Variants in CBY1 observed in about 807,000 individuals in gnomAD.
CBY1 encodes protein chibby homolog 1.
CBY1 carries 10 observed loss-of-function variants against 15.6 expected under a neutral mutation model. The observed-to-expected ratio is 0.64, with a 90% confidence interval of 0.40 to 1.09. The LOEUF is 1.09. Among genes scored for constraint, CBY1 ranks in the 50% least tolerant of loss-of-function variants. CBY1 has a pLI of 0.01. For missense variants in CBY1, 150 were observed against 160.5 expected (o/e 0.93, Z 0.35); for synonymous variants, 61 against 63.5 (o/e 0.96, Z 0.19).
rs146434433 is a variant in CBY1, at chr22:38,673,218, C to T, written c.363C>T (p.Ile121=). 1.9e-6 allele frequency: 3 copies of T among 1,611,536 alleles called. No homozygotes were observed. The African/African-American group carries it at 4.0e-5, about 22-fold the overall frequency. ...AGAAGGAACTGGATGAACTGAGGAT[C>T]AGCCGGAAGAGAAAATGAAGACCCC... The part of the protein sequence containing the change: ...LMEKELDELR[I]SRKRK Residue 121 remains isoleucine, a synonymous_variant, in exon 5 of 5, where the codon ATC becomes ATT. Coordinates refer to ENST00000216029, the MANE Select transcript of CBY1 (RefSeq NM_015373.4).
chr22:38,663,504 T>C (rs2092427443), intron 1 of CBY1, among the ~76,000 whole-genome samples: 1 of 151,628 alleles, frequency 6.6e-6, no homozygotes, highest in Non-Finnish European at 1.5e-5. Flanking sequence ...GAGACCAGCC[T>C]GACCAACATA....
chr22:38,659,695 T>C (rs1267141151), intron 1 of CBY1, among the ~76,000 whole-genome samples: 1 of 151,818 alleles, frequency 6.6e-6, no homozygotes, highest in African/African-American at 2.4e-5. Context: ...ACCCCATCTC[T>C]ACTAAAAATA....
intron 1 of CBY1, among the ~76,000 whole-genome samples, chr22:38,659,512 A>C (rs948507804): frequency 6.6e-6 from 1 of 152,126 alleles, no homozygotes; most frequent in Non-Finnish European, 1.5e-5. Flanking sequence ...AGCCTCCGAA[A>C]GTGCTGAGAT....
intron 4 of CBY1, 150 bp downstream of exon 4, chr22:38,671,338 G>T: frequency 1.5e-6 from 1 of 680,028 alleles, no homozygotes; most frequent in Non-Finnish European, 2.6e-6. Context: ...ACAAGACACA[G>T]TTCCTGCCCT....
intron 1 of CBY1, among the ~76,000 whole-genome samples, chr22:38,659,374 G>C (rs1465512866): frequency 6.6e-6 from 1 of 151,770 alleles, no homozygotes; most frequent in Non-Finnish European, 1.5e-5. Flanking sequence ...TCAGCCTTCT[G>C]AGTAGCTGGG....
Position 38,668,013 on chromosome 22 carries a change from C to T in CBY1, c.-38-4C>T, listed in dbSNP as rs766985527. 1.2e-5 allele frequency: 19 copies of T among 1,589,192 alleles called. No individual in the cohort carries two copies. The highest frequency in any genetic ancestry group is 1.7e-5 in the Admixed American group (1 of 59,612). ...CTTGTACCCCTGACTTTTTCTGACC[C>T]TAGGAGAAGGGAGCACTGGCTTTGC... On this transcript the variant is annotated splice_region_variant and splice_polypyrimidine_tract_variant and intron_variant, in intron 1 of 4. Transcript: ENST00000216029.
intron 4 of CBY1, 72 bp from the exon 5 acceptor site, chr22:38,673,087 G>A: frequency 1.9e-6 from 2 of 1,045,228 alleles, no homozygotes; most frequent in Admixed American, 3.7e-5. Flanking sequence ...TCCGTGTGTA[G>A]GGCCGGCCTT....
intron 4 of CBY1, among the ~76,000 whole-genome samples, 178 bp from the exon 5 acceptor site, chr22:38,672,981 T>C (rs1409606705): frequency 6.6e-6 from 1 of 152,166 alleles, no homozygotes; most frequent in Admixed American, 6.5e-5. Flanking sequence ...CAAGTACTTG[T>C]GGTCCTGGGT....
In CBY1 at chr22:38,666,233, A is replaced by ATATT. The variant is rs138485713; in HGVS notation, c.-38-1783_-38-1782insATTT. On this transcript the variant is annotated intron_variant, in intron 1 of 4. Coordinates refer to ENST00000216029, the MANE Select transcript of CBY1 (RefSeq NM_015373.4). Reference sequence around the variant, plus strand: ...CTGTATTAATGTTATATATATATATATTTTTTTTTCTTTTTTAACCTTTTT... The same window carrying ATATT: ...CTGTATTAATGTTATATATATATATATATTTTTTTTTTTCTTTTTTAACCTTTTT... Among the ~76,000 whole-genome samples, 625 of 139,276 alleles carry ATATT rather than the reference A, an allele frequency of 4.5e-3. 4 individuals carry two copies. The highest frequency in any genetic ancestry group is 0.029 in the East Asian group (137 of 4,776). The allele number at this position is 139,276 out of a possible 152,430, so 91.4% of individuals were successfully genotyped here.
rs752757721 is a variant in CBY1, at chr22:38,671,055, C to T, written c.185-15C>T. 5 of 1,613,216 alleles carry T rather than the reference C, an allele frequency of 3.1e-6. No individual in the cohort carries two copies. Among genetic ancestry groups the T allele is most frequent in the Non-Finnish European group, 4.2e-6 (5 of 1,179,076 alleles). On this transcript the variant is annotated splice_polypyrimidine_tract_variant and intron_variant, in intron 3 of 4. Coordinates refer to ENST00000216029, the MANE Select transcript of CBY1 (RefSeq NM_015373.4). ...GGAGGAAATCCCCCTTTAACTGGTT[C>T]TGTCCTTCCTCCAGAGACAGGGGTT...
intron 4 of CBY1, among the ~76,000 whole-genome samples, chr22:38,672,204 G>A (rs1307008085): frequency 2.0e-5 from 3 of 151,596 alleles, no homozygotes; most frequent in Non-Finnish European, 4.4e-5. Flanking sequence ...GGAGGTTGCA[G>A]TGGGCTGAGA....
In CBY1 at chr22:38,670,850, C is replaced by T. The variant is rs945543902; in HGVS notation, c.79-34C>T. 4 of 1,467,214 alleles carry T rather than the reference C, an allele frequency of 2.7e-6. No individual in the cohort carries two copies. In the African/African-American group the frequency reaches 5.5e-5, roughly 20 times the overall value. 90.9% of individuals were successfully genotyped at this position (1,467,214 alleles called of 1,614,324 possible). A position where few individuals can be genotyped will look rare whatever the true frequency, so the allele number is the denominator to read the frequency against. ...GCTGGGATGAAGGCGTGTTCCGGGC[C>T]TGCTGAAGTTGTCACATAGCATCTC... On this transcript the variant is annotated intron_variant, in intron 2 of 4. Coordinates refer to ENST00000216029, the MANE Select transcript of CBY1 (RefSeq NM_015373.4).
intron 1 of CBY1, among the ~76,000 whole-genome samples, chr22:38,664,117 T>C (rs772312126): frequency 7.3e-5 from 11 of 151,618 alleles, no homozygotes; most frequent in Admixed American, 5.3e-4. Flanking sequence ...GTATCCAGCG[T>C]ATATAAATAC....
chr22:38,671,397 C>T, intron 4 of CBY1: 2 of 564,980 alleles, frequency 3.5e-6, no homozygotes, highest in Non-Finnish European at 6.4e-6. Context: ...TACATAAGGA[C>T]CCAGTTGGAG....
intron 1 of CBY1, chr22:38,667,669 G>T: frequency 4.9e-6 from 1 of 205,516 alleles, no homozygotes; most frequent in South Asian, 1.0e-4. Context: ...TCTGGTGAGG[G>T]TCATCCTGTG....
chr22:38,668,201 A>G lies in CBY1; in HGVS notation c.78+69A>G. Reference sequence around the variant, plus strand: ...GAGTGCTGAGCGTGTCTCTGAATGGAAAGTGTGGTCCTCCAGAGGCATCAG... The same window carrying G: ...GAGTGCTGAGCGTGTCTCTGAATGGGAAGTGTGGTCCTCCAGAGGCATCAG... On this transcript the variant is annotated intron_variant, in intron 2 of 4. Coordinates refer to ENST00000216029, the MANE Select transcript of CBY1 (RefSeq NM_015373.4). The G allele has an allele frequency of 4.3e-6, 4 of 936,704 alleles. No individual in the cohort carries two copies. The Admixed American group carries it at 6.8e-5, about 16-fold the overall frequency. The allele number at this position is 936,704 out of a possible 1,614,324, so 58.0% of individuals were successfully genotyped here. A position where few individuals can be genotyped will look rare whatever the true frequency, so the allele number is the denominator to read the frequency against.
intron 1 of CBY1, among the ~76,000 whole-genome samples, chr22:38,659,336 T>C (rs1373023903): frequency 1.3e-5 from 2 of 152,168 alleles, no homozygotes; most frequent in Middle Eastern, 3.4e-3. Context: ...CTCAGCTCAC[T>C]GCAACCTCTG....
At chr22:38,668,288 G>C in intron 2 of CBY1, 156 bp downstream of exon 2, 1 of 564,858 alleles carries the variant, frequency 1.8e-6, no homozygotes, top group East Asian at 3.0e-5. Flanking sequence ...TTGAACTCTT[G>C]TTTGGGAATG....
chr22:38,660,784 C>A (rs1433779065), intron 1 of CBY1, among the ~76,000 whole-genome samples: 1 of 99,324 alleles, frequency 1.0e-5, no homozygotes, highest in Middle Eastern at 3.8e-3. Context: ...GTTGCCCAGG[C>A]TGGAGCGCAA....
Sources: gnomAD v4.1 joint callset for allele counts (sites outside exome capture counted in the v4.1 genomes callset) on GRCh38, gnomAD v4.1.1 for gene constraint, MANE v1.5 for transcripts, NCBI Gene and HGNC (gene_info 2026-07-23, HGNC 2026-07-21) for gene names.